The following FSTL5 variants were observed in gnomAD, a reference collection of about 807,000 sequenced individuals.
The protein encoded by FSTL5 is follistatin-related protein 5.
FSTL5 carries 62 observed loss-of-function variants against 89.1 expected under a neutral mutation model. That is an observed-to-expected ratio of 0.70 (90% CI 0.57 to 0.86). The LOEUF (loss-of-function observed/expected upper bound fraction) is 0.86, where lower values mean the gene tolerates loss of function less well. FSTL5 is among the 40% of genes least tolerant of loss of function. The probability of loss-of-function intolerance (pLI) is 0.00; values close to 1 mark genes in which losing one functional copy is unlikely to be tolerated. For missense variants in FSTL5, 1,057 were observed against 1,001.6 expected (o/e 1.06, Z -0.75); for synonymous variants, 383 against 346.2 (o/e 1.11, Z -1.18).
chr4:161,462,405 C>T (rs1733612798), intron 13 of FSTL5, among the ~76,000 whole-genome samples: 1 of 152,178 alleles, frequency 6.6e-6, no homozygotes. Flanking sequence ...ATGCCGTCAT[C>T]TCTGCAAGCA....
chr4:162,117,266 T>G (rs1021727453), intron 1 of FSTL5, among the ~76,000 whole-genome samples: 13 of 152,158 alleles, frequency 8.5e-5, no homozygotes, highest in South Asian at 2.1e-4. Flanking sequence ...GGATTTACGA[T>G]CCAATATAGT....
chr4:161,595,272 G>A (rs1314092738), intron 7 of FSTL5, among the ~76,000 whole-genome samples: 1 of 151,990 alleles, frequency 6.6e-6, no homozygotes, highest in Non-Finnish European at 1.5e-5. Flanking sequence ...CTCAGCCATG[G>A]TTGAGAGTTA....
chr4:161,975,819 G>C (rs1735624204), intron 3 of FSTL5, among the ~76,000 whole-genome samples: 2 of 147,666 alleles, frequency 1.4e-5, no homozygotes, highest in Non-Finnish European at 3.0e-5. Context: ...ATAAAAAAAA[G>C]ATTATCTCCA....
chr4:162,124,858 T>C (rs574906504), intron 1 of FSTL5, among the ~76,000 whole-genome samples: 8 of 152,150 alleles, frequency 5.3e-5, no homozygotes, highest in Non-Finnish European at 8.8e-5. Context: ...CGCCACCACG[T>C]CCAGCTAATT....
chr4:161,546,938 C>T (rs1185940114), intron 8 of FSTL5, among the ~76,000 whole-genome samples: 1 of 151,930 alleles, frequency 6.6e-6, no homozygotes, highest in Non-Finnish European at 1.5e-5. Context: ...GATTTAATGA[C>T]GTGCTGTTAA....
At chr4:161,556,149 C>T (rs1732383458) in intron 8 of FSTL5, among the ~76,000 whole-genome samples, 1 of 151,532 alleles carries the variant, frequency 6.6e-6, no homozygotes, top group Non-Finnish European at 1.5e-5. Context: ...ACCTTCTCAG[C>T]TCTTTTTTTA....
chr4:161,512,817 C>T (rs1345339287), intron 10 of FSTL5, among the ~76,000 whole-genome samples: 4 of 151,998 alleles, frequency 2.6e-5, no homozygotes, highest in East Asian at 1.9e-4. Context: ...TCCACAATCT[C>T]GGTCTGTTTC....
At chr4:161,500,290 G>A (rs1340885319) in intron 11 of FSTL5, among the ~76,000 whole-genome samples, 156 bp from the exon 12 acceptor site, 2 of 151,888 alleles carry the variant, frequency 1.3e-5, no homozygotes, top group East Asian at 1.9e-4. Flanking sequence ...CTGTATACTC[G>A]CACCACTTTG....
At chr4:161,581,839 C>T (rs1401802661) in intron 8 of FSTL5, among the ~76,000 whole-genome samples, 2 of 152,180 alleles carry the variant, frequency 1.3e-5, no homozygotes, top group African/African-American at 2.4e-5. Context: ...CATATAGTTT[C>T]ACTGTGAATA....
chr4:161,394,024 G>C (rs1210123663), intron 15 of FSTL5, among the ~76,000 whole-genome samples: 3 of 152,196 alleles, frequency 2.0e-5, no homozygotes, highest in Admixed American at 6.6e-5. Context: ...CTTAGCTAAA[G>C]AGTGTGAAAA....
chr4:161,484,059 A>T (rs1007001439), intron 12 of FSTL5, among the ~76,000 whole-genome samples: 5 of 152,158 alleles, frequency 3.3e-5, no homozygotes, highest in African/African-American at 1.2e-4. Flanking sequence ...CTGATGGTAT[A>T]AATTTTAATT....
At chr4:161,393,563 C>T (rs962925725) in intron 15 of FSTL5, among the ~76,000 whole-genome samples, 2 of 151,972 alleles carry the variant, frequency 1.3e-5, no homozygotes, top group Admixed American at 1.3e-4. Flanking sequence ...TTATGTTAGG[C>T]TTTCATTTGA....
At chr4:161,533,204 A>T (rs1444665105) in intron 10 of FSTL5, among the ~76,000 whole-genome samples, 1 of 151,470 alleles carries the variant, frequency 6.6e-6, no homozygotes, top group African/African-American at 2.4e-5. Context: ...TCCAAACCTA[A>T]TTGAAGAAAA....
intron 6 of FSTL5, among the ~76,000 whole-genome samples, chr4:161,670,538 T>C (rs1456836899): frequency 6.6e-6 from 1 of 152,152 alleles, no homozygotes. Context: ...ATTTGGGCCT[T>C]ATAGACTAAA....
chr4:161,821,456 C>T (rs78366135), intron 4 of FSTL5, among the ~76,000 whole-genome samples: 5,250 of 152,020 alleles, frequency 0.035, 176 homozygotes, highest in East Asian at 0.15. Context: ...TAGGTTTTTG[C>T]GGGACACATG....
intron 10 of FSTL5, among the ~76,000 whole-genome samples, chr4:161,519,577 T>TA (rs1387319692): frequency 6.6e-6 from 1 of 151,944 alleles, no homozygotes; most frequent in Non-Finnish European, 1.5e-5. Flanking sequence ...TAAGAAAACA[T>TA]AAAAACTTTT....
chr4:161,393,041 G>A (rs1332033918), intron 15 of FSTL5, among the ~76,000 whole-genome samples: 1 of 151,954 alleles, frequency 6.6e-6, no homozygotes, highest in East Asian at 1.9e-4. Flanking sequence ...CCATGCATCT[G>A]TAGTCCCAGC....
At chr4:161,741,011 A>C (rs1307081359) in intron 6 of FSTL5, among the ~76,000 whole-genome samples, 1 of 152,182 alleles carries the variant, frequency 6.6e-6, no homozygotes, top group African/African-American at 2.4e-5. Flanking sequence ...CACTAATCCC[A>C]TTCATAAGGG....
Position 161,568,475 on chromosome 4 carries a change from C to T in FSTL5, c.1015+18980G>A, listed in dbSNP as rs936957771. On this transcript the variant is annotated intron_variant, in intron 8 of 15. Coordinates refer to ENST00000306100, the MANE Select transcript of FSTL5 (RefSeq NM_020116.5). ...GTTAGCTTTTATATGCTGCAGCCTCCGCAGGTGGCTTTGGGTCTTAAGCTT... is the reference window on the plus strand; with the variant it reads ...GTTAGCTTTTATATGCTGCAGCCTCTGCAGGTGGCTTTGGGTCTTAAGCTT... Among the ~76,000 whole-genome samples the T allele has an allele frequency of 7.9e-5, 12 of 152,068 alleles. No individual in the cohort carries two copies. The South Asian group carries it at 1.2e-3, about 16-fold the overall frequency.
Sources: allele counts gnomAD v4.1 joint callset (sites outside exome capture counted in the v4.1 genomes callset), GRCh38; gene constraint gnomAD v4.1.1; transcripts MANE v1.5; gene names NCBI Gene and HGNC (gene_info 2026-07-23, HGNC 2026-07-21).